The following KCNT1 variants were observed in gnomAD, a reference collection of about 807,000 sequenced individuals.
KCNT1 encodes the protein potassium channel subfamily T member 1.
In KCNT1, 78 loss-of-function variants were observed where a neutral mutation model predicts 147.8. The ratio of observed to expected loss-of-function variants is 0.53; its 90% CI spans 0.44 to 0.64. The LOEUF (loss-of-function observed/expected upper bound fraction) is 0.64, where lower values mean the gene tolerates loss of function less well. Among genes scored for constraint, KCNT1 ranks in the 30% least tolerant of loss-of-function variants. The pLI, the probability that KCNT1 is intolerant of heterozygous loss-of-function variation, is 0.00. For synonymous variants in KCNT1, 867 were observed against 748.8 expected, an observed-to-expected ratio of 1.16 and a Z score of -2.58; for missense variants, 1,419 against 1,750.3, an observed-to-expected ratio of 0.81 and a Z score of 3.38.
chr9:135,727,585 G>C (rs1468401260), intron 2 of KCNT1, among the ~76,000 whole-genome samples: 1 of 152,110 alleles, frequency 6.6e-6, no homozygotes, highest in Non-Finnish European at 1.5e-5. Flanking sequence ...TCACCTTTGG[G>C]AGAGGAGGAC....
At chr9:135,735,512 G>A (rs1830299187) in intron 2 of KCNT1, among the ~76,000 whole-genome samples, 1 of 152,188 alleles carries the variant, frequency 6.6e-6, no homozygotes, top group Non-Finnish European at 1.5e-5. Flanking sequence ...GGCCTAGTGA[G>A]GTCAGAAACC....
chr9:135,757,132 C>G (rs763434357), intron 7 of KCNT1, 24 bp from the exon 8 acceptor site: 1 of 1,588,440 alleles, frequency 6.3e-7, no homozygotes, highest in South Asian at 1.1e-5. Context: ...ATCGCCCCCG[C>G]TGATACCCCC....
chr9:135,776,789 G>A (rs1833204349), intron 20 of KCNT1, among the ~76,000 whole-genome samples: 2 of 152,230 alleles, frequency 1.3e-5, no homozygotes, highest in African/African-American at 2.4e-5. Context: ...TGGGTGGGGT[G>A]GGGGCCTTCA....
At chr9:135,755,229 C>A (rs1831406676) in intron 6 of KCNT1, 60 bp downstream of exon 6, 3 of 1,454,134 alleles carry the variant, frequency 2.1e-6, no homozygotes, top group Non-Finnish European at 2.8e-6. Context: ...CACTGAGGAC[C>A]AACCCAGACT....
In KCNT1 at chr9:135,702,418, A is replaced by G. The variant is rs555216022; in HGVS notation, c.110+50A>G. ...CGCGGGGAGGCCCCGGTCTAACCTA[A>G]GACCCCCAAGTTCCCCCTCAGGCTC... On this transcript the variant is annotated intron_variant, in intron 1 of 30. Transcript: ENST00000371757. 172 of 1,324,486 alleles carry G rather than the reference A, an allele frequency of 1.3e-4. 2 individuals carry two copies. The African/African-American group carries it at 2.9e-3, about 22-fold the overall frequency. 82.0% of individuals were successfully genotyped at this position (1,324,486 alleles called of 1,614,324 possible).
chr9:135,783,006 A>G (rs1833724456), intron 24 of KCNT1, among the ~76,000 whole-genome samples: 1 of 152,162 alleles, frequency 6.6e-6, no homozygotes, highest in Non-Finnish European at 1.5e-5. Flanking sequence ...TTTACCTGTG[A>G]ATCGAGTTCT....
Position 135,785,358 on chromosome 9 carries a change from C to T in KCNT1, c.3177+28C>T, listed in dbSNP as rs759361534. The T allele has an allele frequency of 1.2e-5, 19 of 1,612,666 alleles. No individual in the cohort carries two copies. The East Asian group carries it at 3.3e-4, about 28-fold the overall frequency. On this transcript the variant is annotated intron_variant, in intron 28 of 30. Coordinates refer to ENST00000371757, the MANE Select transcript of KCNT1 (RefSeq NM_020822.3). ...AAGCAACCCCTCCGTGCCCACGCAG[C>T]TTCTGCGGAGCACCAGAACATCGCA...
intron 24 of KCNT1, among the ~76,000 whole-genome samples, chr9:135,781,569 G>T (rs776129949): frequency 6.6e-6 from 1 of 151,390 alleles, no homozygotes; most frequent in Non-Finnish European, 1.5e-5. Flanking sequence ...TTATTTAAAA[G>T]ACATTAATGC....
intron 9 of KCNT1, among the ~76,000 whole-genome samples, chr9:135,757,639 A>G (rs1003248051): frequency 6.6e-6 from 1 of 152,158 alleles, no homozygotes; most frequent in South Asian, 2.1e-4. Context: ...TGGCAGGAGG[A>G]GGAGGGACAA....
chr9:135,780,750 G>C (rs558072369), intron 24 of KCNT1, among the ~76,000 whole-genome samples: 28 of 152,338 alleles, frequency 1.8e-4, no homozygotes, highest in African/African-American at 6.5e-4. Context: ...CGGCAGAGGG[G>C]TGTGCTCTGC....
Position 135,778,476 on chromosome 9 carries a change from A to C in KCNT1, c.2575A>C (p.Met859Leu). 1.3e-6 allele frequency: 2 copies of C among 1,561,616 alleles called. No homozygotes were observed. The highest frequency in any genetic ancestry group is 1.7e-6 in the Non-Finnish European group (2 of 1,152,568). The change falls in exon 22 of 31, where the codon ATG becomes CTG. Residue 859 changes from methionine (M) to leucine (L), a missense_variant. Around this residue, in one of 5 missense-constraint regions of KCNT1, gnomAD observed 247 missense variants for 397.1 expected, o/e 0.62. Transcript: ENST00000371757. Reference sequence around the variant, plus strand: ...CTGCTGCTTCCCCATGGTCTACTACATGGAGGGCTCTGTGGACAAGTAAGG... The same window carrying C: ...CTGCTGCTTCCCCATGGTCTACTACCTGGAGGGCTCTGTGGACAAGTAAGG... ...AICCFPMVYY[M>L]EGSVDNLDSL...
chr9:135,777,629 T>C (rs1407617574), intron 21 of KCNT1, 119 bp downstream of exon 21: 1 of 927,600 alleles, frequency 1.1e-6, no homozygotes, highest in Non-Finnish European at 1.6e-6. Flanking sequence ...ATGGGGCCTC[T>C]GGCCTGGTCC....
At position 135,772,280 on chromosome 9, in the gene KCNT1, C is replaced by A. The variant is rs191203511; in HGVS notation, c.2009-435C>A. On this transcript the variant is annotated intron_variant, in intron 18 of 30. Transcript: ENST00000371757. Reference sequence around the variant, plus strand: ...CTAGAGGTCCACAACCCCCATCTGGCAGCCTGGGGTGGTGCAGGAGTGGCA... The same window carrying A: ...CTAGAGGTCCACAACCCCCATCTGGAAGCCTGGGGTGGTGCAGGAGTGGCA... 2.0e-5 allele frequency among the ~76,000 whole-genome samples: 3 copies of A among 152,206 alleles called. No homozygotes were observed. In the East Asian group the frequency reaches 5.8e-4, roughly 29 times the overall value.
chr9:135,732,801 T>C (rs1410876837), intron 2 of KCNT1, among the ~76,000 whole-genome samples: 1 of 151,882 alleles, frequency 6.6e-6, no homozygotes, highest in Non-Finnish European at 1.5e-5. Context: ...CTCTTTTTTC[T>C]CCCTTCCTTC....
intron 13 of KCNT1, 110 bp from the exon 14 acceptor site, chr9:135,768,500 G>A: frequency 2.7e-6 from 2 of 746,630 alleles, no homozygotes; most frequent in East Asian, 2.7e-5. Context: ...CTGTGCACCT[G>A]CTGCACCAGC....
At chr9:135,705,577 G>T (rs542198231) in intron 1 of KCNT1, among the ~76,000 whole-genome samples, 1 of 152,220 alleles carries the variant, frequency 6.6e-6, no homozygotes, top group Admixed American at 6.5e-5. Flanking sequence ...CAGCGTGCCC[G>T]TGCTAGGTGG....
intron 19 of KCNT1, among the ~76,000 whole-genome samples, chr9:135,774,323 GTGTC>G (rs1185535723): frequency 6.8e-6 from 1 of 147,470 alleles, no homozygotes; most frequent in African/African-American, 2.5e-5. Context: ...TGTGTGTTGT[GTGTC>G]TGGGTGTGTT....
intron 11 of KCNT1, among the ~76,000 whole-genome samples, chr9:135,764,313 G>C (rs112883200): frequency 0.026 from 3,859 of 150,600 alleles, 166 homozygotes; most frequent in African/African-American, 0.089. Context: ...AATAAAACTA[G>C]CTGGTCATGG....
chr9:135,726,965 CCCTCTCTTTCCCAT>C (rs1836192851), intron 2 of KCNT1, among the ~76,000 whole-genome samples: 1 of 116,242 alleles, frequency 8.6e-6, no homozygotes, highest in African/African-American at 3.3e-5. Flanking sequence ...TTCTCCCTCT[CCCTCTCTTTCCCAT>C]TCTCTCTCTC....
Sources: gnomAD v4.1 joint callset for allele counts (sites outside exome capture counted in the v4.1 genomes callset) on GRCh38, gnomAD v4.1.1 for gene constraint, gnomAD v4.1.1 regional missense constraint, MANE v1.5 for transcripts, NCBI Gene and HGNC (gene_info 2026-07-23, HGNC 2026-07-21) for gene names.